SOX6: variants seen among roughly 807,000 people sequenced by gnomAD.
SOX6 encodes the protein transcription factor SOX-6.
Under a neutral mutation model 97.8 loss-of-function variants are expected in SOX6, and 11 were observed. That is an observed-to-expected ratio of 0.11 (90% confidence interval 0.07 to 0.19). SOX6 has a LOEUF of 0.19. Ranked by LOEUF, SOX6 falls within the 10% of genes least tolerant of loss-of-function variation. The probability of loss-of-function intolerance (pLI) is 1.00; values close to 1 mark genes in which losing one functional copy is unlikely to be tolerated. For synonymous variants in SOX6, 360 were observed against 371.4 expected (o/e 0.97, Z 0.35); for missense variants, 810 against 1,039.5 (o/e 0.78, Z 3.04).
chr11:16,290,742 C>A (rs1421273337), intron 3 of SOX6, among the ~76,000 whole-genome samples: 1 of 152,050 alleles, frequency 6.6e-6, no homozygotes, highest in Non-Finnish European at 1.5e-5. Context: ...CTGCACAATA[C>A]AACAAAAACA....
chr11:16,591,347 ATAGACAGATAGATAG>A (rs1848150302), intron 4 of SOX6, among the ~76,000 whole-genome samples: 2 of 93,906 alleles, frequency 2.1e-5, no homozygotes, highest in African/African-American at 8.9e-5. Flanking sequence ...AGATAGATAG[ATAGACAGATAGATAG>A]ATAGATAGAT....
intron 4 of SOX6, among the ~76,000 whole-genome samples, chr11:16,522,351 CA>C (rs1362957386): frequency 1.3e-5 from 2 of 152,226 alleles, no homozygotes; most frequent in South Asian, 2.1e-4. Context: ...AAAGAATTTT[CA>C]ACCCAGAATT....
intron 4 of SOX6, among the ~76,000 whole-genome samples, chr11:16,513,453 T>G (rs978813365): frequency 4.6e-5 from 7 of 151,452 alleles, no homozygotes; most frequent in Admixed American, 3.9e-4. Flanking sequence ...GCCAACATGG[T>G]GAAACTCCAT....
chr11:16,638,711 T>G (rs1475588490), intron 3 of SOX6, among the ~76,000 whole-genome samples: 2 of 152,230 alleles, frequency 1.3e-5, no homozygotes, highest in Non-Finnish European at 2.9e-5. Context: ...GCTGCATAAA[T>G]GTCTTCTTTT....
intron 10 of SOX6, among the ~76,000 whole-genome samples, chr11:16,055,016 C>A (rs1363613873): frequency 6.6e-6 from 1 of 152,112 alleles, no homozygotes; most frequent in East Asian, 1.9e-4. Context: ...CTTGGGAAAG[C>A]CTGTTTATCC....
At chr11:16,581,338 G>A (rs1444591447) in intron 4 of SOX6, among the ~76,000 whole-genome samples, 1 of 152,040 alleles carries the variant, frequency 6.6e-6, no homozygotes, top group East Asian at 1.9e-4. Flanking sequence ...CTCAGCAAAT[G>A]AACACAGGAA....
chr11:16,177,743 GA>G (rs766272036), intron 6 of SOX6, among the ~76,000 whole-genome samples: 2,027 of 145,834 alleles, frequency 0.014, 21 homozygotes, highest in Middle Eastern at 0.035. Flanking sequence ...AAGGATCAAG[GA>G]AAAAAAAAAT....
intron 4 of SOX6, among the ~76,000 whole-genome samples, chr11:16,551,698 G>A (rs1409562812): frequency 6.6e-6 from 1 of 152,026 alleles, no homozygotes; most frequent in East Asian, 1.9e-4. Context: ...CCGCCTCCCG[G>A]GTTCAAGCAA....
intron 3 of SOX6, among the ~76,000 whole-genome samples, chr11:16,639,474 G>A (rs1311935629): frequency 6.6e-6 from 1 of 152,082 alleles, no homozygotes; most frequent in African/African-American, 2.4e-5. Flanking sequence ...AGCTTGATGG[G>A]GATGGCATTG....
chr11:16,659,567 A>G (rs1230471680), intron 3 of SOX6, among the ~76,000 whole-genome samples: 2 of 152,208 alleles, frequency 1.3e-5, no homozygotes, highest in African/African-American at 4.8e-5. Flanking sequence ...CCACAAAATA[A>G]TGGTGGGCTT....
At chr11:16,331,526 T>G (rs1856299637) in intron 2 of SOX6, among the ~76,000 whole-genome samples, 1 of 152,168 alleles carries the variant, frequency 6.6e-6, no homozygotes, top group South Asian at 2.1e-4. Context: ...AACCTTCAAA[T>G]TTTCTTCTAA....
chr11:16,502,032 A>G (rs925287570), intron 4 of SOX6, among the ~76,000 whole-genome samples: 1 of 152,324 alleles, frequency 6.6e-6, no homozygotes, highest in East Asian at 1.9e-4. Context: ...TTGCGGCACT[A>G]TTCACAATAG....
At chr11:16,317,305 A>G (rs1192665667) in intron 3 of SOX6, 1 of 151,408 alleles carries the variant, frequency 6.6e-6, no homozygotes, top group East Asian at 1.9e-4. Flanking sequence ...TTTATAGTTA[A>G]TATTCATATA....
intron 4 of SOX6, among the ~76,000 whole-genome samples, chr11:16,559,909 C>T (rs1382619647): frequency 6.6e-6 from 1 of 152,050 alleles, no homozygotes; most frequent in East Asian, 1.9e-4. Flanking sequence ...TATTCAAATG[C>T]ATTTCTACAA....
intron 6 of SOX6, among the ~76,000 whole-genome samples, chr11:16,128,416 T>C (rs765731822): frequency 6.6e-6 from 1 of 152,168 alleles, no homozygotes; most frequent in Non-Finnish European, 1.5e-5. Context: ...ACTGCAATAG[T>C]TTTAGAAAGC....
At chr11:16,482,056 CA>C (rs1190794459) in intron 4 of SOX6, among the ~76,000 whole-genome samples, 4 of 152,142 alleles carry the variant, frequency 2.6e-5, no homozygotes, top group African/African-American at 9.7e-5. Context: ...CTACTGCATT[CA>C]ATCTGTTGTG....
chr11:16,042,788 C>T (rs1219968767), intron 12 of SOX6, among the ~76,000 whole-genome samples: 1 of 152,160 alleles, frequency 6.6e-6, no homozygotes, highest in African/African-American at 2.4e-5. Context: ...CTGTAGCTCA[C>T]TTTGACACCT....
intron 6 of SOX6, among the ~76,000 whole-genome samples, chr11:16,130,852 T>C (rs1849722350): frequency 1.3e-5 from 2 of 151,952 alleles, no homozygotes; most frequent in African/African-American, 4.8e-5. Flanking sequence ...CATAATGATG[T>C]CAAGATAATT....
chr11:16,221,084 C>T (rs1852524454), intron 4 of SOX6, among the ~76,000 whole-genome samples: 1 of 151,990 alleles, frequency 6.6e-6, no homozygotes, highest in South Asian at 2.1e-4. Context: ...AAATGTGGTT[C>T]TTAGATCCCT....
Sources: allele counts gnomAD v4.1 joint callset (sites outside exome capture counted in the v4.1 genomes callset), GRCh38; gene constraint gnomAD v4.1.1; transcripts MANE v1.5; gene names NCBI Gene and HGNC (gene_info 2026-07-23, HGNC 2026-07-21).